The following CAMK2D variants were observed in gnomAD, a reference collection of about 807,000 sequenced individuals.
CAMK2D encodes calcium/calmodulin-dependent protein kinase type II subunit delta.
A neutral mutation model predicts 84.0 loss-of-function variants in CAMK2D; 37 were observed. The ratio of observed to expected loss-of-function variants is 0.44; its 90% CI spans 0.34 to 0.58. The LOEUF is 0.58. Ranked by LOEUF, CAMK2D falls within the 20% of genes least tolerant of loss-of-function variation. The pLI, the probability that CAMK2D is intolerant of heterozygous loss-of-function variation, is 0.02. For missense variants in CAMK2D, 448 were observed against 652.5 expected (o/e 0.69, Z 3.41); for synonymous variants, 202 against 212.5 (o/e 0.95, Z 0.43).
chr4:113,547,776 C>T (rs560118263), intron 5 of CAMK2D, 60 bp from the exon 6 acceptor site: 569 of 1,085,066 alleles, frequency 5.2e-4, no homozygotes, highest in Non-Finnish European at 6.9e-4. Context: ...TGTCTGTATA[C>T]CCTCAGAGAG....
At chr4:113,678,461 T>TTC (rs5861143) in intron 2 of CAMK2D, among the ~76,000 whole-genome samples, 52 of 86,434 alleles carry the variant, frequency 6.0e-4, no homozygotes, top group Middle Eastern at 6.1e-3. Context: ...GGTTCTGTGA[T>TTC]TTTTTTTTTT....
intron 2 of CAMK2D, among the ~76,000 whole-genome samples, chr4:113,731,017 A>C (rs1467246628): frequency 6.6e-6 from 1 of 152,236 alleles, no homozygotes; most frequent in African/African-American, 2.4e-5. Context: ...GACTGACTTA[A>C]AAACTGAAAC....
At chr4:113,514,972 CT>C in intron 10 of CAMK2D, 96 bp downstream of exon 10, 8 of 1,152,758 alleles carry the variant, frequency 6.9e-6, no homozygotes, top group Admixed American at 2.0e-5. Flanking sequence ...TGAGTTTCAT[CT>C]TTTTTTGCAA....
intron 16 of CAMK2D, among the ~76,000 whole-genome samples, chr4:113,495,357 A>G (rs2097914292): frequency 6.6e-6 from 1 of 152,240 alleles, no homozygotes. Flanking sequence ...GAAGTGAGAA[A>G]TGTATGCAAG....
chr4:113,662,552 T>C (rs1013255179), intron 2 of CAMK2D, among the ~76,000 whole-genome samples: 9 of 152,202 alleles, frequency 5.9e-5, no homozygotes, highest in Non-Finnish European at 1.2e-4. Flanking sequence ...TGTATAGTGG[T>C]CATTAGTTGA....
intron 7 of CAMK2D, among the ~76,000 whole-genome samples, chr4:113,531,589 A>G (rs917066498): frequency 1.3e-5 from 2 of 152,192 alleles, no homozygotes; most frequent in African/African-American, 4.8e-5. Context: ...ACTTTTGGTT[A>G]GCAATTCTTA....
In CAMK2D at chr4:113,700,208, G is replaced by A. The variant is rs80341930; in HGVS notation, c.161-38436C>T. On this transcript the variant is annotated intron_variant, in intron 2 of 20. Transcript: ENST00000511664. ...CAACCATTTCCCTGCCCCCAAGAAG[G>A]GTTATGGGTTATTTTTAATAAGCTC... Among the ~76,000 whole-genome samples the A allele has an allele frequency of 1.1e-3, 163 of 152,144 alleles. 4 individuals carry two copies. The East Asian group carries it at 0.027, about 25-fold the overall frequency.
At chr4:113,528,915 TTTTAGAGTTCATGC>T (rs2098439667) in intron 8 of CAMK2D, among the ~76,000 whole-genome samples, 1 of 152,136 alleles carries the variant, frequency 6.6e-6, no homozygotes, top group South Asian at 2.1e-4. Flanking sequence ...ATTCAAGGCA[TTTTAGAGTTCATGC>T]CTTAGAGTTC....
At chr4:113,613,889 AGAGC>A (rs1305788174) in intron 3 of CAMK2D, among the ~76,000 whole-genome samples, 1 of 151,994 alleles carries the variant, frequency 6.6e-6, no homozygotes, top group South Asian at 2.1e-4. Flanking sequence ...TGTGCGAGAG[AGAGC>A]GAGCGAGAGA....
Position 113,761,423 on chromosome 4 carries a change from C to A in CAMK2D, c.-355G>T, listed in dbSNP as rs1012474986. 3 of 1,209,010 alleles carry A rather than the reference C, an allele frequency of 2.5e-6. No homozygotes were observed. The African/African-American group carries it at 4.7e-5, about 19-fold the overall frequency. 74.9% of individuals were successfully genotyped at this position (1,209,010 alleles called of 1,614,324 possible). ...GCCGGGAAATGGAAAAACAGCCAGG[C>A]ACGGGACGAGTGGCAAGCAGTTGCG... is the stretch of plus-strand genomic sequence containing the variant. On this transcript the variant is annotated 5_prime_UTR_variant, in exon 1 of 21. Coordinates refer to ENST00000511664, the MANE Select transcript of CAMK2D (RefSeq NM_001321571.2).
chr4:113,459,636 T>C (rs939859180), intron 18 of CAMK2D, among the ~76,000 whole-genome samples: 1 of 138,776 alleles, frequency 7.2e-6, no homozygotes, highest in Non-Finnish European at 1.5e-5. Context: ...CAATCAACAT[T>C]ACTTTTTTTT....
intron 2 of CAMK2D, among the ~76,000 whole-genome samples, chr4:113,677,774 G>C (rs1364633484): frequency 1.3e-5 from 2 of 152,088 alleles, no homozygotes; most frequent in South Asian, 2.1e-4. Context: ...ATGAATTAAA[G>C]AGATAAGTCA....
At chr4:113,736,238 C>G (rs2099581050) in intron 2 of CAMK2D, among the ~76,000 whole-genome samples, 1 of 151,786 alleles carries the variant, frequency 6.6e-6, no homozygotes, top group Non-Finnish European at 1.5e-5. Flanking sequence ...CAACTTACTC[C>G]AATCCAATTT....
chr4:113,704,367 T>A (rs899592601), intron 2 of CAMK2D, among the ~76,000 whole-genome samples: 9 of 152,016 alleles, frequency 5.9e-5, no homozygotes, highest in Admixed American at 2.6e-4. Flanking sequence ...ACTAAAAAAA[T>A]TGACTTTATT....
At chr4:113,522,336 G>A (rs1346823491) in intron 8 of CAMK2D, among the ~76,000 whole-genome samples, 1 of 152,144 alleles carries the variant, frequency 6.6e-6, no homozygotes, top group Non-Finnish European at 1.5e-5. Flanking sequence ...AATGCATGTG[G>A]AACTTGGAAG....
rs142205913 is a variant in CAMK2D, at chr4:113,690,611, T to C, written c.161-28839A>G. ...ATCTACTAAATGATGTCTATATTAT[T>C]GCACATTTCCCAACTTCCTTATCTT... is the stretch of plus-strand genomic sequence containing the variant. On this transcript the variant is annotated intron_variant, in intron 2 of 20. Coordinates refer to ENST00000511664, the MANE Select transcript of CAMK2D (RefSeq NM_001321571.2). Among the ~76,000 whole-genome samples the C allele has an allele frequency of 7.9e-5, 12 of 152,332 alleles. No homozygotes were observed. In the East Asian group the frequency reaches 2.3e-3, roughly 29 times the overall value.
At chr4:113,480,456 A>G (rs2097688025) in intron 16 of CAMK2D, among the ~76,000 whole-genome samples, 1 of 152,148 alleles carries the variant, frequency 6.6e-6, no homozygotes, top group Non-Finnish European at 1.5e-5. Flanking sequence ...GCGTCCCTAC[A>G]AAGTCCATGT....
chr4:113,603,773 T>TTATATATATATA lies in CAMK2D; in HGVS notation c.275+5367_275+5378dup, dbSNP rs139576985. ...ATCTTTCTATATATTTCTTGCTATTTTATATATATATATATATATATATAT... is the reference window on the plus strand; with the variant it reads ...ATCTTTCTATATATTTCTTGCTATTTTATATATATATATATATATATATATATATATATATAT... On this transcript the variant is annotated intron_variant, in intron 4 of 20. Transcript: ENST00000511664. Among the ~76,000 whole-genome samples, 482 of 127,914 alleles carry TTATATATATATA rather than the reference T, an allele frequency of 3.8e-3. 5 individuals carry two copies. Among genetic ancestry groups the TTATATATATATA allele is most frequent in the African/African-American group, 0.012 (368 of 30,630 alleles). 83.9% of individuals were successfully genotyped at this position (127,914 alleles called of 152,430 possible).
chr4:113,761,643 C>CGGCG lies in CAMK2D; in HGVS notation c.-579_-576dup. 1 of 985,134 alleles carries CGGCG rather than the reference C, an allele frequency of 1.0e-6. No homozygotes were observed. Among genetic ancestry groups the CGGCG allele is most frequent in the Non-Finnish European group, 1.2e-6 (1 of 829,842 alleles). 61.0% of individuals were successfully genotyped at this position (985,134 alleles called of 1,614,324 possible). The stretch of plus-strand genomic sequence containing the variant: ...TGCGCGCCCGAGGCCGGCTTCCCTC[C>CGGCG]GGCGGGCGGCAGCGGCTCCGGCGAA... On this transcript the variant is annotated 5_prime_UTR_variant, in exon 1 of 21. Transcript: ENST00000511664.
Sources: gnomAD v4.1 joint callset for allele counts (sites outside exome capture counted in the v4.1 genomes callset) on GRCh38, gnomAD v4.1.1 for gene constraint, MANE v1.5 for transcripts, NCBI Gene and HGNC (gene_info 2026-07-23, HGNC 2026-07-21) for gene names.